Variants in KCNN3 observed in about 807,000 individuals in gnomAD.
KCNN3 encodes small conductance calcium-activated potassium channel protein 3.
In KCNN3, 16 loss-of-function variants were observed where a neutral mutation model predicts 62.9. The observed-to-expected ratio is 0.25, with a 90% CI of 0.17 to 0.39. The LOEUF (loss-of-function observed/expected upper bound fraction) is 0.39. KCNN3 is among the 10% of genes least tolerant of loss of function. The probability of loss-of-function intolerance (pLI) is 1.00; values close to 1 mark genes in which losing one functional copy is unlikely to be tolerated. For synonymous variants in KCNN3, 370 were observed against 389.2 expected, an observed-to-expected ratio of 0.95 and a Z score of 0.58; for missense variants, 599 against 949.4, an observed-to-expected ratio of 0.63 and a Z score of 4.85.
At chr1:154,793,122 A>T (rs897489249) in intron 2 of KCNN3, among the ~76,000 whole-genome samples, 50 of 152,324 alleles carry the variant, frequency 3.3e-4, no homozygotes, top group African/African-American at 1.1e-3. Context: ...GGTCAATCAG[A>T]AAGAACGGGC....
intron 1 of KCNN3, among the ~76,000 whole-genome samples, chr1:154,859,335 C>A (rs938622610): frequency 1.3e-5 from 2 of 152,260 alleles, no homozygotes; most frequent in African/African-American, 4.8e-5. Flanking sequence ...GATGCCAACT[C>A]AGGCAAAGGG....
In KCNN3 at chr1:154,814,943, G is replaced by A. The variant is rs114838809; in HGVS notation, c.1029+7146C>T. 3.1e-3 allele frequency among the ~76,000 whole-genome samples: 478 copies of A among 152,352 alleles called. 5 individuals are homozygous for A. Among genetic ancestry groups the A allele is most frequent in the African/African-American group, 0.011 (461 of 41,584 alleles). On this transcript the variant is annotated intron_variant, in intron 2 of 7. Coordinates refer to ENST00000271915, the MANE Select transcript of KCNN3 (RefSeq NM_002249.6). ...TCCCCATTTTCAATTTCCCTTGTGT[G>A]CTGTGATCATCCAGGGGCACACTCA...
intron 1 of KCNN3, among the ~76,000 whole-genome samples, chr1:154,852,935 C>T (rs1652363653): frequency 6.6e-6 from 1 of 152,118 alleles, no homozygotes; most frequent in Non-Finnish European, 1.5e-5. Context: ...TCAGATCCTC[C>T]AATAGACATC....
At chr1:154,722,330 T>C (rs908022423) in intron 5 of KCNN3, among the ~76,000 whole-genome samples, 11 of 151,966 alleles carry the variant, frequency 7.2e-5, no homozygotes, top group African/African-American at 2.4e-4. Flanking sequence ...AACTCCTTCA[T>C]GTTGGATCTT....
intron 4 of KCNN3, among the ~76,000 whole-genome samples, chr1:154,730,517 C>T (rs568587329): frequency 5.6e-4 from 85 of 152,304 alleles, no homozygotes; most frequent in African/African-American, 2.0e-3. Flanking sequence ...AAAGGATCCT[C>T]AGCAAAGTGA....
chr1:154,729,208 G>C (rs1036543202), intron 4 of KCNN3, among the ~76,000 whole-genome samples: 1 of 152,154 alleles, frequency 6.6e-6, no homozygotes, highest in African/African-American at 2.4e-5. Flanking sequence ...TGACTTCCCT[G>C]GGGTCAGACT....
intron 4 of KCNN3, among the ~76,000 whole-genome samples, chr1:154,731,556 C>A (rs572181282): frequency 1.4e-4 from 22 of 152,340 alleles, no homozygotes; most frequent in African/African-American, 5.0e-4. Context: ...CAGCCCCCAG[C>A]CGCTGTGAGG....
chr1:154,750,062 C>A (rs1433934468), intron 3 of KCNN3, among the ~76,000 whole-genome samples: 1 of 152,186 alleles, frequency 6.6e-6, no homozygotes, highest in African/African-American at 2.4e-5. Context: ...TGCCCACAGC[C>A]AAGTCACCTG....
At chr1:154,720,189 C>T (rs1700318084) in intron 5 of KCNN3, among the ~76,000 whole-genome samples, 2 of 152,236 alleles carry the variant, frequency 1.3e-5, no homozygotes, top group South Asian at 4.1e-4. Context: ...GCCGGGGGCC[C>T]ACCCTCGCCC....
chr1:154,858,184 AGAGCTTAACACCAG>A (rs1652612954), intron 1 of KCNN3, among the ~76,000 whole-genome samples: 1 of 152,158 alleles, frequency 6.6e-6, no homozygotes, highest in Non-Finnish European at 1.5e-5. Context: ...GCATCTTGGC[AGAGCTTAACACCAG>A]GTCCAGCCCA....
intron 2 of KCNN3, among the ~76,000 whole-genome samples, chr1:154,792,383 G>T (rs1217297119): frequency 2.0e-5 from 3 of 152,206 alleles, no homozygotes; most frequent in African/African-American, 7.2e-5. Flanking sequence ...GAATCAGAAT[G>T]TTCCACTGGA....
chr1:154,837,570 G>A (rs1045433646), intron 1 of KCNN3, among the ~76,000 whole-genome samples: 1 of 152,156 alleles, frequency 6.6e-6, no homozygotes, highest in South Asian at 2.1e-4. Context: ...GCAGCAGAAC[G>A]AGTGATGCTT....
Position 154,699,666 on chromosome 1 carries a change from A to G in KCNN3, c.*8310T>C, listed in dbSNP as rs1448170459. The G allele has an allele frequency of 1.3e-5, 2 of 152,178 alleles. No individual in the cohort carries two copies. The allele number at this position is 152,178 out of a possible 1,614,324, so 9.4% of individuals were successfully genotyped here. A position where few individuals can be genotyped will look rare whatever the true frequency, so the allele number is the denominator to read the frequency against. On this transcript the variant is annotated 3_prime_UTR_variant, in exon 8 of 8. Coordinates refer to ENST00000271915, the MANE Select transcript of KCNN3 (RefSeq NM_002249.6). ...AGTAAGAGAATTGGCTTTCAAGGAGATTAGCAATGTTTCTAGATGGTTAAA... is the reference window on the plus strand; with the variant it reads ...AGTAAGAGAATTGGCTTTCAAGGAGGTTAGCAATGTTTCTAGATGGTTAAA...
At chr1:154,860,060 G>A (rs190337872) in intron 1 of KCNN3, among the ~76,000 whole-genome samples, 1 of 152,296 alleles carries the variant, frequency 6.6e-6, no homozygotes, top group Admixed American at 6.5e-5. Context: ...CCCTGGGCAC[G>A]TCCCTCCCCT....
chr1:154,771,190 C>G (rs1000521858), intron 3 of KCNN3, among the ~76,000 whole-genome samples: 1 of 152,130 alleles, frequency 6.6e-6, no homozygotes, highest in Non-Finnish European at 1.5e-5. Flanking sequence ...GGCTTCAGTC[C>G]TGCCCTTGAG....
intron 2 of KCNN3, among the ~76,000 whole-genome samples, chr1:154,821,589 G>A (rs534703544): frequency 1.5e-4 from 23 of 152,290 alleles, no homozygotes; most frequent in African/African-American, 5.5e-4. Context: ...TCTAGAAAAT[G>A]ACACCCCCAG....
At chr1:154,726,461 A>G (rs1259983848) in intron 4 of KCNN3, among the ~76,000 whole-genome samples, 1 of 152,168 alleles carries the variant, frequency 6.6e-6, no homozygotes, top group East Asian at 1.9e-4. Flanking sequence ...CAGGCCTGGG[A>G]GGAAAGAAGG....
chr1:154,859,413 C>G (rs1652665259), intron 1 of KCNN3, among the ~76,000 whole-genome samples: 1 of 152,238 alleles, frequency 6.6e-6, no homozygotes, highest in Non-Finnish European at 1.5e-5. Context: ...CTTGACCAAC[C>G]ACTAGCAAGT....
At chr1:154,769,428 CAGAG>C (rs146624307) in intron 3 of KCNN3, among the ~76,000 whole-genome samples, 2 of 150,522 alleles carry the variant, frequency 1.3e-5, no homozygotes, top group African/African-American at 4.9e-5. Flanking sequence ...CCCATGTCTG[CAGAG>C]AGAGAGAGAG....
Sources: allele counts gnomAD v4.1 joint callset (sites outside exome capture counted in the v4.1 genomes callset), GRCh38; gene constraint gnomAD v4.1.1; transcripts MANE v1.5; gene names NCBI Gene and HGNC (gene_info 2026-07-23, HGNC 2026-07-21).